ADGRL3: variants seen among roughly 807,000 people sequenced by gnomAD.
ADGRL3 encodes the protein calcium-independent alpha-latrotoxin receptor 3.
ADGRL3 carries 62 observed loss-of-function variants against 153.5 expected under a neutral mutation model. That is an observed-to-expected ratio of 0.40 (90% CI 0.33 to 0.50). ADGRL3 has a LOEUF of 0.50. Among genes scored for constraint, ADGRL3 ranks in the 20% least tolerant of loss-of-function variants. The pLI is 0.47. For synonymous variants in ADGRL3, 710 were observed against 672.5 expected (o/e 1.06, Z -0.86); for missense variants, 1,641 against 1,859.4 (o/e 0.88, Z 2.16).
At chr4:61,450,804 T>C (rs2097664506) in intron 2 of ADGRL3, among the ~76,000 whole-genome samples, 1 of 152,194 alleles carries the variant, frequency 6.6e-6, no homozygotes, top group East Asian at 1.9e-4. Flanking sequence ...ATAAGATATA[T>C]TTGAGAACCA....
intron 6 of ADGRL3, among the ~76,000 whole-genome samples, chr4:61,723,165 A>G (rs2096269136): frequency 1.3e-5 from 2 of 152,156 alleles, no homozygotes; most frequent in African/African-American, 4.8e-5. Context: ...AAGTCTTTAC[A>G]CAGATTTCTT....
intron 4 of ADGRL3, among the ~76,000 whole-genome samples, chr4:61,533,529 CA>C (rs1317408333): frequency 6.6e-6 from 1 of 152,106 alleles, no homozygotes; most frequent in African/African-American, 2.4e-5. Context: ...TTACTTACCT[CA>C]GTAACTAGAA....
intron 5 of ADGRL3, among the ~76,000 whole-genome samples, chr4:61,662,072 A>G (rs1024568652): frequency 4.6e-5 from 7 of 152,208 alleles, no homozygotes; most frequent in Non-Finnish European, 1.0e-4. Flanking sequence ...ACAGTCGGGG[A>G]GGCAAGGCCA....
At chr4:61,743,289 C>T (rs1195441756) in intron 8 of ADGRL3, among the ~76,000 whole-genome samples, 3 of 135,146 alleles carry the variant, frequency 2.2e-5, no homozygotes, top group African/African-American at 8.4e-5. Flanking sequence ...CGTGCCACTG[C>T]ACTCCAGCCT....
chr4:61,690,699 C>CT (rs559817133), intron 6 of ADGRL3, among the ~76,000 whole-genome samples: 26 of 148,870 alleles, frequency 1.7e-4, no homozygotes, highest in South Asian at 2.1e-4. Flanking sequence ...ACAAGGCTTC[C>CT]TTTTTTTTTT....
chr4:62,074,298 C>T lies in ADGRL3; in HGVS notation c.*3390C>T, dbSNP rs1216063567. On this transcript the variant is annotated 3_prime_UTR_variant, in exon 27 of 27. Coordinates refer to ENST00000683033, the MANE Select transcript of ADGRL3 (RefSeq NM_001387552.1). ...TGCCACCGAAACAAACAAATGATTA[C>T]TTTCTTGTCAAATAATATTTTTGTC... 6.6e-6 allele frequency: 1 copy of T among 152,084 alleles called. No individual in the cohort carries two copies. Among genetic ancestry groups the T allele is most frequent in the African/African-American group, 2.4e-5 (1 of 41,430 alleles). The allele number at this position is 152,084 out of a possible 1,614,324, so 9.4% of individuals were successfully genotyped here. A position where few individuals can be genotyped will look rare whatever the true frequency, so the allele number is the denominator to read the frequency against.
At chr4:61,634,520 A>G (rs1223206314) in intron 5 of ADGRL3, among the ~76,000 whole-genome samples, 2 of 152,180 alleles carry the variant, frequency 1.3e-5, no homozygotes, top group African/African-American at 4.8e-5. Context: ...TTTAGTAAAC[A>G]CTTGAAAATT....
At chr4:61,278,728 A>G (rs1191452402) in intron 1 of ADGRL3, among the ~76,000 whole-genome samples, 4 of 151,922 alleles carry the variant, frequency 2.6e-5, no homozygotes, top group Non-Finnish European at 5.9e-5. Flanking sequence ...CTGTTCTCGA[A>G]CTCCTGATAT....
intron 1 of ADGRL3, among the ~76,000 whole-genome samples, chr4:61,261,391 A>AT (rs1424984712): frequency 6.6e-6 from 1 of 151,114 alleles, no homozygotes; most frequent in South Asian, 2.1e-4. Flanking sequence ...AGGCCTACAC[A>AT]TTTTTTTCAT....
intron 8 of ADGRL3, among the ~76,000 whole-genome samples, chr4:61,807,879 G>A (rs1044753661): frequency 2.6e-5 from 4 of 152,110 alleles, no homozygotes; most frequent in Non-Finnish European, 5.9e-5. Flanking sequence ...AGTGATAAGC[G>A]TGTACTTTTA....
chr4:61,564,951 C>T (rs1198990694), intron 4 of ADGRL3, among the ~76,000 whole-genome samples: 1 of 152,154 alleles, frequency 6.6e-6, no homozygotes, highest in East Asian at 1.9e-4. Context: ...TGGTTCCTGA[C>T]ACCCTAAAAC....
At chr4:61,385,811 C>G (rs1427254213) in intron 2 of ADGRL3, 1 of 152,048 alleles carries the variant, frequency 6.6e-6, no homozygotes, top group African/African-American at 2.4e-5. Context: ...AGAATGGCTG[C>G]CAAATTTAGT....
chr4:61,582,933 A>T (rs894011138), intron 4 of ADGRL3, among the ~76,000 whole-genome samples: 12 of 152,026 alleles, frequency 7.9e-5, no homozygotes, highest in African/African-American at 2.7e-4. Flanking sequence ...GCTACTTTAT[A>T]TATTAACATG....
chr4:61,221,111 A>G (rs777239823), intron 1 of ADGRL3, among the ~76,000 whole-genome samples: 3 of 152,190 alleles, frequency 2.0e-5, no homozygotes, highest in Non-Finnish European at 4.4e-5. Flanking sequence ...AGGCTGGAAT[A>G]TGAGCTCAGA....
chr4:61,964,369 G>A (rs936223243), intron 17 of ADGRL3, among the ~76,000 whole-genome samples: 2 of 152,158 alleles, frequency 1.3e-5, no homozygotes, highest in South Asian at 4.1e-4. Flanking sequence ...CATCCTGGAT[G>A]TAGTTAACTC....
intron 1 of ADGRL3, among the ~76,000 whole-genome samples, chr4:61,356,780 A>G (rs2096180353): frequency 6.6e-6 from 1 of 152,148 alleles, no homozygotes; most frequent in African/African-American, 2.4e-5. Context: ...AAGGACAAAG[A>G]TAAGTGTTAA....
chr4:61,683,301 T>C (rs530385895), intron 6 of ADGRL3, among the ~76,000 whole-genome samples: 2 of 152,200 alleles, frequency 1.3e-5, no homozygotes, highest in Admixed American at 6.6e-5. Context: ...TTTGTAGAAA[T>C]GGCATTTTGC....
At chr4:62,010,178 G>GT (rs1046875254) in intron 21 of ADGRL3, among the ~76,000 whole-genome samples, 11 of 152,008 alleles carry the variant, frequency 7.2e-5, no homozygotes, top group Non-Finnish European at 1.0e-4. Context: ...TCCAGCCCCC[G>GT]TTTTTTCCCC....
chr4:61,218,118 TAAA>T (rs1435260750), intron 1 of ADGRL3, among the ~76,000 whole-genome samples: 1 of 152,190 alleles, frequency 6.6e-6, no homozygotes, highest in Non-Finnish European at 1.5e-5. Context: ...TTAATACTAA[TAAA>T]ATAATAGTGA....
Sources: allele counts gnomAD v4.1 joint callset (sites outside exome capture counted in the v4.1 genomes callset), GRCh38; gene constraint gnomAD v4.1.1; transcripts MANE v1.5; gene names NCBI Gene and HGNC (gene_info 2026-07-23, HGNC 2026-07-21).